ARAP2: variants seen among roughly 807,000 people sequenced by gnomAD.
ARAP2 encodes arf-GAP with Rho-GAP domain, ANK repeat and PH domain-containing protein 2.
A neutral mutation model predicts 194.5 loss-of-function variants in ARAP2; 148 were observed. The observed-to-expected ratio is 0.76, with a 90% CI of 0.67 to 0.87. The LOEUF (loss-of-function observed/expected upper bound fraction) is 0.87. Ranked by LOEUF, ARAP2 falls within the 40% of genes least tolerant of loss-of-function variation. ARAP2 has a pLI of 0.00. For synonymous variants in ARAP2, 695 were observed against 683.5 expected, an observed-to-expected ratio of 1.02 and a Z score of -0.26; for missense variants, 2,128 against 1,989.7, an observed-to-expected ratio of 1.07 and a Z score of -1.32.
At chr4:36,124,765 T>G (rs1258189511) in intron 22 of ARAP2, 97 bp downstream of exon 22, 1 of 706,620 alleles carries the variant, frequency 1.4e-6, no homozygotes. Flanking sequence ...TAAGGTGAGT[T>G]CTTATGATAC....
intron 6 of ARAP2, among the ~76,000 whole-genome samples, chr4:36,205,857 G>T (rs138081999): frequency 6.6e-6 from 1 of 152,078 alleles, no homozygotes. Context: ...AACTTTTTTC[G>T]TCCTCAAACT....
chr4:36,137,905 T>C (rs1276541855), intron 19 of ARAP2, among the ~76,000 whole-genome samples: 1 of 151,734 alleles, frequency 6.6e-6, no homozygotes, highest in Non-Finnish European at 1.5e-5. Context: ...TGAAACAGAA[T>C]TTCCTGAACA....
intron 15 of ARAP2, among the ~76,000 whole-genome samples, chr4:36,154,938 T>G (rs1731890993): frequency 6.6e-6 from 1 of 152,204 alleles, no homozygotes; most frequent in Non-Finnish European, 1.5e-5. Context: ...TGCACAAACT[T>G]CAAGGGTGAA....
chr4:36,141,771 G>T (rs918046065), intron 19 of ARAP2, among the ~76,000 whole-genome samples: 1 of 151,628 alleles, frequency 6.6e-6, no homozygotes, highest in Non-Finnish European at 1.5e-5. Context: ...CTTATAGCTG[G>T]TTGGTTTCTC....
chr4:36,206,894 TAAGA>T (rs1308217412), intron 6 of ARAP2, among the ~76,000 whole-genome samples: 1 of 152,182 alleles, frequency 6.6e-6, no homozygotes, highest in Non-Finnish European at 1.5e-5. Flanking sequence ...TTTCCCCAAG[TAAGA>T]AAGTCCTAAA....
chr4:36,159,552 T>G lies in ARAP2; in HGVS notation c.2443-47A>C, dbSNP rs73125362. 1.3e-3 allele frequency: 1,738 copies of G among 1,389,804 alleles called. 22 individuals are homozygous for G. In the African/African-American group the frequency reaches 0.023, roughly 18 times the overall value. The allele number at this position is 1,389,804 out of a possible 1,614,324, so 86.1% of individuals were successfully genotyped here. On this transcript the variant is annotated intron_variant, in intron 13 of 32. Coordinates refer to ENST00000303965, the MANE Select transcript of ARAP2 (RefSeq NM_015230.4). ...ACATCTTAAGGAAAGAAAATAAGAT[T>G]CTAGCTATTAAAATGAGTGAAAGTC... is the stretch of plus-strand genomic sequence containing the variant.
intron 27 of ARAP2, among the ~76,000 whole-genome samples, chr4:36,094,066 C>T (rs1489849766): frequency 6.6e-6 from 1 of 152,080 alleles, no homozygotes; most frequent in Non-Finnish European, 1.5e-5. Context: ...GCCAGAATTC[C>T]CTCCAGTTTG....
At chr4:36,013,220 A>G (rs1310177102) in intron 8 of ARAP2, among the ~76,000 whole-genome samples, 4 of 152,188 alleles carry the variant, frequency 2.6e-5, no homozygotes, top group Non-Finnish European at 4.4e-5. Flanking sequence ...AAAAAGACCA[A>G]GGAACTTATC....
At chr4:36,193,263 A>T (rs1210267685) in intron 7 of ARAP2, among the ~76,000 whole-genome samples, 1 of 152,242 alleles carries the variant, frequency 6.6e-6, no homozygotes, top group Admixed American at 6.5e-5. Context: ...CTAAATATCT[A>T]TTAGAGCCAC....
At chr4:36,069,233 T>C (rs1306047042) in intron 32 of ARAP2, among the ~76,000 whole-genome samples, 1 of 152,208 alleles carries the variant, frequency 6.6e-6, no homozygotes, top group Non-Finnish European at 1.5e-5. Flanking sequence ...AATATTTTCA[T>C]GAATATAATG....
chr4:36,128,784 A>T, intron 20 of ARAP2, 39 bp from the exon 21 acceptor site: 1 of 1,481,878 alleles, frequency 6.7e-7, no homozygotes, highest in South Asian at 1.2e-5. Context: ...TAAAAGTCTA[A>T]ATTCAAAAGC....
intron 27 of ARAP2, among the ~76,000 whole-genome samples, chr4:36,094,317 A>G (rs1237028117): frequency 6.6e-6 from 1 of 152,196 alleles, no homozygotes; most frequent in Non-Finnish European, 1.5e-5. Flanking sequence ...GGCTGCGAAC[A>G]TGATACAGGG....
intron 31 of ARAP2, among the ~76,000 whole-genome samples, chr4:36,076,044 C>T (rs1008470186): frequency 6.6e-6 from 1 of 152,284 alleles, no homozygotes; most frequent in Middle Eastern, 3.4e-3. Context: ...TAAGAAAATA[C>T]TCCCATCATG....
intron 6 of ARAP2, among the ~76,000 whole-genome samples, chr4:36,197,134 T>C (rs6835909): frequency 0.051 from 7,715 of 152,030 alleles, 425 homozygotes; most frequent in African/African-American, 0.14. Flanking sequence ...ATTTTATTGA[T>C]ACATATTAAT....
chr4:36,210,615 C>T lies in ARAP2; in HGVS notation c.1262G>A (p.Cys421Tyr). The change falls in exon 6 of 33, where the codon TGC becomes TAC. Residue 421 changes from cysteine (C) to tyrosine (Y), a missense_variant. Coordinates refer to ENST00000303965, the MANE Select transcript of ARAP2 (RefSeq NM_015230.4). ...ATTTTTTCTTCTTAAACTCTGAAAG[C>T]ATTCTTCTACTGTTGAGTATTCTGA... ...SESEYSTVEE[C>Y]FQSLRRKNSK... 1 of 1,613,920 alleles carries T rather than the reference C, an allele frequency of 6.2e-7. No individual in the cohort carries two copies. Among genetic ancestry groups the T allele is most frequent in the Non-Finnish European group, 8.5e-7 (1 of 1,179,860 alleles).
At chr4:36,174,838 T>A (rs1023892679) in intron 9 of ARAP2, among the ~76,000 whole-genome samples, 8 of 152,142 alleles carry the variant, frequency 5.3e-5, no homozygotes, top group African/African-American at 1.9e-4. Context: ...AACCTCCCAG[T>A]CCAATCTTCT....
intron 2 of ARAP2, among the ~76,000 whole-genome samples, chr4:36,224,312 A>C (rs961689314): frequency 3.3e-5 from 5 of 151,812 alleles, no homozygotes; most frequent in African/African-American, 9.7e-5. Context: ...AAAAAAAAAA[A>C]ACACAATCAT....
At chr4:36,164,204 A>G (rs574713842) in intron 11 of ARAP2, among the ~76,000 whole-genome samples, 4 of 152,066 alleles carry the variant, frequency 2.6e-5, no homozygotes, top group Non-Finnish European at 5.9e-5. Flanking sequence ...TTGTGTGTGT[A>G]TGTGTGTGTG....
chr4:36,204,340 A>G (rs571541611), intron 6 of ARAP2, among the ~76,000 whole-genome samples: 8 of 152,234 alleles, frequency 5.3e-5, no homozygotes, highest in Non-Finnish European at 1.2e-4. Context: ...TTTCTAAAAC[A>G]TAATAAACCA....
Sources: gnomAD v4.1 joint callset for allele counts (sites outside exome capture counted in the v4.1 genomes callset) on GRCh38, gnomAD v4.1.1 for gene constraint, MANE v1.5 for transcripts, NCBI Gene and HGNC (gene_info 2026-07-23, HGNC 2026-07-21) for gene names.